Variants in GRIK1 observed in about 807,000 individuals in gnomAD.
The protein encoded by GRIK1 is glutamate ionotropic receptor kainate type subunit 1, also known as glutamate receptor ionotropic, kainate 1.
GRIK1 carries 69 observed loss-of-function variants against 105.7 expected under a neutral mutation model. The observed-to-expected ratio is 0.65, with a 90% CI of 0.54 to 0.80. The LOEUF (loss-of-function observed/expected upper bound fraction) is 0.80, where lower values mean the gene tolerates loss of function less well. Among genes scored for constraint, GRIK1 ranks in the 30% least tolerant of loss-of-function variants. The pLI, the probability that GRIK1 is intolerant of heterozygous loss-of-function variation, is 0.00. For synonymous variants in GRIK1, 438 were observed against 431.3 expected (o/e 1.02, Z -0.19); for missense variants, 1,109 against 1,167.3 (o/e 0.95, Z 0.73).
rs35513177 is a variant in GRIK1, at chr21:29,871,760, A to ATTTT, written c.118+67619_118+67622dup. Reference sequence around the variant, plus strand: ...CTACTACCAAAAGCCAATCTTTTTAATTTTTTTTTTTTTTTTTTTTTGAGA... The same window carrying ATTTT: ...CTACTACCAAAAGCCAATCTTTTTAATTTTTTTTTTTTTTTTTTTTTTTTTGAGA... On this transcript the variant is annotated intron_variant, in intron 1 of 17. Coordinates refer to ENST00000327783, the MANE Select transcript of GRIK1 (RefSeq NM_001330994.2). Among the ~76,000 whole-genome samples the ATTTT allele has an allele frequency of 3.2e-3, 384 of 121,110 alleles. 4 individuals carry two copies. The highest frequency in any genetic ancestry group is 8.8e-3 in the Middle Eastern group (2 of 228). 79.5% of individuals were successfully genotyped at this position (121,110 alleles called of 152,430 possible). A position where few individuals can be genotyped will look rare whatever the true frequency, so the allele number is the denominator to read the frequency against.
chr21:29,655,886 G>A (rs2832425), intron 4 of GRIK1, among the ~76,000 whole-genome samples: 4 of 152,064 alleles, frequency 2.6e-5, no homozygotes, highest in African/African-American at 9.7e-5. Flanking sequence ...GGGGTTCTAC[G>A]TTCATTGAAC....
chr21:29,554,575 T>TA (rs2090201158), intron 16 of GRIK1, among the ~76,000 whole-genome samples: 2 of 152,236 alleles, frequency 1.3e-5, no homozygotes, highest in African/African-American at 2.4e-5. Context: ...TTACAAATCT[T>TA]ACTTTGATAG....
intron 1 of GRIK1, among the ~76,000 whole-genome samples, chr21:29,835,942 C>T (rs79271175): frequency 0.062 from 9,473 of 152,244 alleles, 459 homozygotes; most frequent in Non-Finnish European, 0.095. Context: ...TCCCCAACCA[C>T]GCAAATATTC....
At chr21:29,786,217 G>C (rs1345608601) in intron 1 of GRIK1, among the ~76,000 whole-genome samples, 2 of 152,148 alleles carry the variant, frequency 1.3e-5, no homozygotes, top group African/African-American at 4.8e-5. Flanking sequence ...TCGATCTCTT[G>C]ACCCTGTGAT....
chr21:29,725,828 G>A (rs1310234509), intron 1 of GRIK1, among the ~76,000 whole-genome samples: 1 of 152,174 alleles, frequency 6.6e-6, no homozygotes, highest in Non-Finnish European at 1.5e-5. Context: ...GGCCAATAGA[G>A]CATACCTTTT....
intron 1 of GRIK1, among the ~76,000 whole-genome samples, chr21:29,720,311 T>G (rs188281665): frequency 6.6e-6 from 1 of 152,232 alleles, no homozygotes; most frequent in African/African-American, 2.4e-5. Flanking sequence ...ACACATTTTC[T>G]TATTTACAAG....
At chr21:29,895,305 G>A (rs1173138072) in intron 1 of GRIK1, among the ~76,000 whole-genome samples, 2 of 152,052 alleles carry the variant, frequency 1.3e-5, no homozygotes, top group East Asian at 1.9e-4. Context: ...ACGAACCTGC[G>A]GATCAAATGA....
rs363581 is a variant in GRIK1 at position 29,651,341 on chromosome 21, T to C, written c.781-50A>G. On this transcript the variant is annotated intron_variant, in intron 5 of 17. Coordinates refer to ENST00000327783, the MANE Select transcript of GRIK1 (RefSeq NM_001330994.2). Reference sequence around the variant, plus strand: ...AGTGGAAAATAATTAGAATTTTCATTTTTTATACAAAAGAATATTAATGAT... The same window carrying C: ...AGTGGAAAATAATTAGAATTTTCATCTTTTATACAAAAGAATATTAATGAT... 152 of 1,230,236 alleles carry C rather than the reference T, an allele frequency of 1.2e-4. No individual in the cohort carries two copies. The East Asian group carries it at 1.7e-3, about 14-fold the overall frequency. 76.2% of individuals were successfully genotyped at this position (1,230,236 alleles called of 1,614,324 possible). A position where few individuals can be genotyped will look rare whatever the true frequency, so the allele number is the denominator to read the frequency against.
Position 29,734,158 on chromosome 21 carries a change from C to T in GRIK1, c.119-40095G>A, listed in dbSNP as rs115400397. 5.9e-3 allele frequency among the ~76,000 whole-genome samples: 894 copies of T among 151,992 alleles called. 8 individuals are homozygous for T. Among genetic ancestry groups the T allele is most frequent in the African/African-American group, 0.021 (853 of 41,478 alleles). The stretch of plus-strand genomic sequence containing the variant: ...AAGAGGCTTATTTAATCTGAAGAGG[C>T]TTATAAATAAAAATGCCCCACTTCC... On this transcript the variant is annotated intron_variant, in intron 1 of 17. Transcript: ENST00000327783.
intron 1 of GRIK1, among the ~76,000 whole-genome samples, chr21:29,831,286 C>T (rs920734426): frequency 3.3e-5 from 5 of 152,174 alleles, no homozygotes; most frequent in Non-Finnish European, 1.5e-5. Context: ...TCCCACCATT[C>T]CCATCTTTCA....
chr21:29,620,719 G>A (rs953278340), intron 7 of GRIK1, among the ~76,000 whole-genome samples: 11 of 145,388 alleles, frequency 7.6e-5, no homozygotes, highest in Admixed American at 7.6e-4. Flanking sequence ...TGAAAACCAG[G>A]ATGTGTTTTA....
intron 1 of GRIK1, among the ~76,000 whole-genome samples, chr21:29,776,714 A>G (rs2145758506): frequency 6.6e-6 from 1 of 152,308 alleles, no homozygotes; most frequent in Non-Finnish European, 1.5e-5. Flanking sequence ...TTTAGTGATG[A>G]CCTAAACAAG....
Position 29,561,626 on chromosome 21 carries a change from A to ATAGG in GRIK1, c.2350_2353dup (p.Ile785ThrfsTer9), listed in dbSNP as rs1376851228. The stretch of plus-strand genomic sequence containing the variant: ...TGGTTCATGTCTACCCGTCTTACCA[A>ATAGG]TAGGTGTTCCCACTCCGTAACCTTT... On this transcript the variant is annotated frameshift_variant, in exon 15 of 18. Coordinates refer to ENST00000327783, the MANE Select transcript of GRIK1 (RefSeq NM_001330994.2). LOFTEE classifies it high-confidence loss of function. The ATAGG allele has an allele frequency of 1.3e-6, 2 of 1,596,024 alleles. No individual in the cohort carries two copies.
intron 12 of GRIK1, among the ~76,000 whole-genome samples, chr21:29,583,913 T>C (rs777256839): frequency 3.9e-5 from 6 of 152,120 alleles, no homozygotes; most frequent in Non-Finnish European, 8.8e-5. Flanking sequence ...AAAAGATTAA[T>C]ATATGACCTA....
intron 14 of GRIK1, among the ~76,000 whole-genome samples, chr21:29,574,129 C>G (rs926460624): frequency 5.9e-5 from 9 of 152,062 alleles, no homozygotes; most frequent in Non-Finnish European, 1.3e-4. Flanking sequence ...GACTTGGGTC[C>G]CATCCCCAGG....
intron 1 of GRIK1, among the ~76,000 whole-genome samples, chr21:29,711,783 AT>A (rs1266783651): frequency 4.6e-5 from 7 of 152,202 alleles, no homozygotes; most frequent in African/African-American, 1.7e-4. Flanking sequence ...TGCACACATT[AT>A]TTCCTCATTG....
At chr21:29,574,723 TGTGGCCCAGGCGGGAGTGCA>T (rs2090843315) in intron 14 of GRIK1, among the ~76,000 whole-genome samples, 1 of 146,884 alleles carries the variant, frequency 6.8e-6, no homozygotes, top group South Asian at 2.2e-4. Flanking sequence ...AGTCTCGCTC[TGTGGCCCAGGCGGGAGTGCA>T]GTGGCGCAAT....
At chr21:29,834,138 T>G (rs908487428) in intron 1 of GRIK1, among the ~76,000 whole-genome samples, 1 of 152,124 alleles carries the variant, frequency 6.6e-6, no homozygotes, top group African/African-American at 2.4e-5. Context: ...GGAAATCAGA[T>G]AGTATTATCC....
At chr21:29,570,350 A>C (rs979520583) in intron 14 of GRIK1, among the ~76,000 whole-genome samples, 1 of 152,066 alleles carries the variant, frequency 6.6e-6, no homozygotes, top group Non-Finnish European at 1.5e-5. Flanking sequence ...AAAATAAAAA[A>C]ATATAGCTGG....
Sources: gnomAD v4.1 joint callset for allele counts (sites outside exome capture counted in the v4.1 genomes callset) on GRCh38, gnomAD v4.1.1 for gene constraint, MANE v1.5 for transcripts, NCBI Gene and HGNC (gene_info 2026-07-23, HGNC 2026-07-21) for gene names.